ZNF846: variants seen among roughly 807,000 people sequenced by gnomAD.
ZNF846 encodes zinc finger protein 420 pseudogene.
Under a neutral mutation model 16.0 loss-of-function variants are expected in ZNF846, and 15 were observed. That is an observed-to-expected ratio of 0.94 (90% confidence interval 0.63 to 1.45). The LOEUF is 1.45. ZNF846 is among the 40% of genes most tolerant of loss of function. The pLI is 0.00. For synonymous variants in ZNF846, 229 were observed against 212.0 expected, an observed-to-expected ratio of 1.08 and a Z score of -0.70; for missense variants, 714 against 622.3, an observed-to-expected ratio of 1.15 and a Z score of -1.57.
downstream of ZNF846, among the ~76,000 whole-genome samples, chr19:9,750,149 T>C (rs1254997443): frequency 2.0e-5 from 3 of 152,180 alleles, no homozygotes; most frequent in East Asian, 5.8e-4. Flanking sequence ...TGATAAGCTC[T>C]CTATCATTAC....
chr19:9,757,887 TTA>T lies in ZNF846; in HGVS notation c.1188_1189del (p.Cys396Ter). 6.2e-7 allele frequency: 1 copy of T among 1,613,512 alleles called. No homozygotes were observed. Among genetic ancestry groups the T allele is most frequent in the Admixed American group, 1.7e-5 (1 of 59,994 alleles). Reference sequence around the variant, plus strand: ...ATTATTAAAGGCTTTCCCACATTCTTTACATTCATAGGGCTTTTCTCCAGTAT... The same window carrying T: ...ATTATTAAAGGCTTTCCCACATTCTTCATTCATAGGGCTTTTCTCCAGTAT... On this transcript the variant is annotated stop_gained and frameshift_variant, in exon 6 of 6. Transcript: ENST00000397902. LOFTEE classifies it low-confidence loss of function (END_TRUNC).
At chr19:9,774,694 A>G (rs796190590) in intron 1 of ZNF846, 8 of 1,505,004 alleles carry the variant, frequency 5.3e-6, no homozygotes, top group Non-Finnish European at 6.5e-6. Flanking sequence ...TCAAACTACC[A>G]AAGATCACAT....
At chr19:9,771,998 C>A (rs183106464), upstream of ZNF846, among the ~76,000 whole-genome samples, 1 of 151,714 alleles carries the variant, frequency 6.6e-6, no homozygotes, top group East Asian at 1.9e-4. Flanking sequence ...GGTCTCTTGA[C>A]CTCGTGATCC....
At chr19:9,761,303 A>G (rs2045223031) in intron 4 of ZNF846, among the ~76,000 whole-genome samples, 1 of 152,198 alleles carries the variant, frequency 6.6e-6, no homozygotes, top group South Asian at 2.1e-4. Flanking sequence ...TAAAAAAAGT[A>G]TATGGCACAT....
downstream of ZNF846, chr19:9,752,519 G>A: frequency 7.3e-6 from 2 of 274,040 alleles, no homozygotes; most frequent in South Asian, 6.5e-5. Context: ...GGAGGCTGAA[G>A]CAGGAGAATC....
chr19:9,770,969 A>AT (rs1442411296), upstream of ZNF846, among the ~76,000 whole-genome samples: 1 of 152,012 alleles, frequency 6.6e-6, no homozygotes, highest in Non-Finnish European at 1.5e-5. Flanking sequence ...TTATTTATTT[A>AT]TTTTTTATTT....
chr19:9,765,100 T>C (rs1286167185), intron 1 of ZNF846, 65 bp from the exon 2 acceptor site: 3 of 851,964 alleles, frequency 3.5e-6, no homozygotes, highest in African/African-American at 3.3e-5. Context: ...AGGCTAGGCA[T>C]GGTGGCTCAT....
downstream of ZNF846, among the ~76,000 whole-genome samples, chr19:9,752,663 C>CTTTTTTTTTTTTTTTTTTTTTTT (rs528278558): frequency 7.1e-6 from 1 of 140,528 alleles, no homozygotes. Context: ...AGTGATTTCC[C>CTTTTTTTTTTTTTTTTTTTTTTT]TTTTTTTTTT....
chr19:9,761,976 A>G (rs1490675621), intron 4 of ZNF846, 106 bp downstream of exon 4: 2 of 841,276 alleles, frequency 2.4e-6, no homozygotes, highest in African/African-American at 3.4e-5. Flanking sequence ...CTTCTCAGGA[A>G]GAAGAGTATA....
intron 1 of ZNF846, chr19:9,774,715 GATCT>G: frequency 6.5e-7 from 1 of 1,530,536 alleles, no homozygotes; most frequent in Non-Finnish European, 9.0e-7. Flanking sequence ...TTAAAACAAA[GATCT>G]ATCACCCAAA....
intron 3 of ZNF846, among the ~76,000 whole-genome samples, chr19:9,763,006 T>C (rs1053862127): frequency 3.9e-5 from 6 of 152,088 alleles, no homozygotes; most frequent in Admixed American, 2.0e-4. Flanking sequence ...TAGATGGCCA[T>C]GGTGGTGCAC....
At chr19:9,768,603 A>C (rs1365305557) in exon 1 of ZNF846, 1 of 152,234 alleles carries the variant, frequency 6.6e-6, no homozygotes, top group East Asian at 1.9e-4. Context: ...ACCTAGCAGA[A>C]GTCCGGAGCG....
chr19:9,759,618 G>A (rs566481286), intron 5 of ZNF846, among the ~76,000 whole-genome samples: 1 of 151,634 alleles, frequency 6.6e-6, no homozygotes, highest in East Asian at 1.9e-4. Flanking sequence ...TAATAATAAA[G>A]TAAAAGAAAT....
chr19:9,763,689 A>G (rs1333662543), intron 2 of ZNF846, among the ~76,000 whole-genome samples: 1 of 152,214 alleles, frequency 6.6e-6, no homozygotes, highest in East Asian at 1.9e-4. Context: ...AATATGTTGC[A>G]GCACTATGTA....
intron 2 of ZNF846, among the ~76,000 whole-genome samples, chr19:9,764,117 C>T (rs539753669): frequency 6.6e-5 from 10 of 151,416 alleles, no homozygotes; most frequent in South Asian, 2.1e-4. Flanking sequence ...GAATGGAATG[C>T]GACCCTTGTG....
At chr19:9,762,960 A>C in intron 3 of ZNF846, among the ~76,000 whole-genome samples, 1 of 152,144 alleles carries the variant, frequency 6.6e-6, no homozygotes, top group East Asian at 1.9e-4. Context: ...CCTGGCCAAC[A>C]TGGTGAAACC....
chr19:9,766,156 A>G (rs2045312135), intron 1 of ZNF846, among the ~76,000 whole-genome samples: 1 of 152,086 alleles, frequency 6.6e-6, no homozygotes, highest in African/African-American at 2.4e-5. Context: ...ATGGTGGCTC[A>G]CGCCTGTAAT....
At chr19:9,764,321 C>T (rs985653806) in intron 2 of ZNF846, among the ~76,000 whole-genome samples, 1 of 152,150 alleles carries the variant, frequency 6.6e-6, no homozygotes, top group Admixed American at 6.6e-5. Flanking sequence ...ATTGTTACTG[C>T]TGATTAATAT....
intron 1 of ZNF846, among the ~76,000 whole-genome samples, chr19:9,784,307 G>A (rs2045536032): frequency 2.0e-5 from 3 of 152,298 alleles, no homozygotes; most frequent in Admixed American, 2.0e-4. Flanking sequence ...TAGGGAGAGG[G>A]TCAGCAGGAA....
Sources: allele counts gnomAD v4.1 joint callset (sites outside exome capture counted in the v4.1 genomes callset), GRCh38; gene constraint gnomAD v4.1.1; transcripts MANE v1.5; gene names NCBI Gene and HGNC (gene_info 2026-07-23, HGNC 2026-07-21).